The following SERPINI1 variants were observed in gnomAD, a reference collection of about 807,000 sequenced individuals.
SERPINI1 encodes the protein serpin family I member 1, also known as neuroserpin.
A neutral mutation model predicts 41.1 loss-of-function variants in SERPINI1; 19 were observed. The observed-to-expected ratio is 0.46, with a 90% CI of 0.32 to 0.68. The LOEUF is 0.68. SERPINI1 is among the 30% of genes least tolerant of loss of function. SERPINI1 has a pLI of 0.03. For missense variants in SERPINI1, 460 were observed against 479.2 expected (o/e 0.96, Z 0.37); for synonymous variants, 138 against 156.6 (o/e 0.88, Z 0.89).
At chr3:167,764,629 T>G (rs1452826602) in intron 1 of SERPINI1, among the ~76,000 whole-genome samples, 1 of 152,128 alleles carries the variant, frequency 6.6e-6, no homozygotes, top group Non-Finnish European at 1.5e-5. Flanking sequence ...ATCCTAACAT[T>G]TCAAAACTAA....
In SERPINI1 at chr3:167,816,182, T is replaced by C. The variant is rs142844893; in HGVS notation, c.980-6804T>C. On this transcript the variant is annotated intron_variant, in intron 6 of 8. Coordinates refer to ENST00000446050, the MANE Select transcript of SERPINI1 (RefSeq NM_001122752.2). ...CCTCAGCCTCCTGAGTAGCTGGGAC[T>C]ACCACGCCCAGCTAGTTTTTGTAAT... is the stretch of plus-strand genomic sequence containing the variant. 3.9e-3 allele frequency among the ~76,000 whole-genome samples: 590 copies of C among 152,246 alleles called. 5 individuals are homozygous for C. The highest frequency in any genetic ancestry group is 0.014 in the African/African-American group (577 of 41,552).
intron 1 of SERPINI1, among the ~76,000 whole-genome samples, chr3:167,788,399 T>C (rs1727382412): frequency 6.6e-6 from 1 of 152,180 alleles, no homozygotes; most frequent in African/African-American, 2.4e-5. Flanking sequence ...GCTGAAATGG[T>C]AACATAAGCC....
intron 5 of SERPINI1, among the ~76,000 whole-genome samples, chr3:167,796,807 A>G (rs984917993): frequency 6.6e-6 from 1 of 152,046 alleles, no homozygotes; most frequent in Non-Finnish European, 1.5e-5. Context: ...GCTATTGTGA[A>G]TAGTGCTGCA....
intron 1 of SERPINI1, among the ~76,000 whole-genome samples, chr3:167,775,396 G>A (rs1028203565): frequency 6.6e-6 from 1 of 151,422 alleles, no homozygotes; most frequent in Non-Finnish European, 1.5e-5. Context: ...AGAGTAGCTG[G>A]GATTAGACAC....
chr3:167,786,016 G>A (rs1006028301), intron 1 of SERPINI1, among the ~76,000 whole-genome samples: 2 of 152,184 alleles, frequency 1.3e-5, no homozygotes, highest in Non-Finnish European at 2.9e-5. Context: ...AGATAGCATA[G>A]CCTACTACAC....
chr3:167,778,646 A>G (rs1727030724), intron 1 of SERPINI1, among the ~76,000 whole-genome samples: 1 of 152,216 alleles, frequency 6.6e-6, no homozygotes, highest in East Asian at 1.9e-4. Flanking sequence ...GATGTGATTT[A>G]TAGGAGCAAT....
intron 1 of SERPINI1, among the ~76,000 whole-genome samples, chr3:167,788,649 G>A (rs141095886): frequency 4.8e-4 from 73 of 152,248 alleles, no homozygotes; most frequent in African/African-American, 1.7e-3. Flanking sequence ...TCTGATCTCC[G>A]CTCACCAGTT....
rs33917740 is a variant in SERPINI1, at chr3:167,789,149, C to G, written c.21C>G (p.Phe7Leu). The G allele has an allele frequency of 0.097, 156,708 of 1,613,114 alleles. 8,649 individuals carry two copies. Among genetic ancestry groups the G allele is most frequent in the African/African-American group, 0.21 (15,657 of 74,954 alleles). MAFLGL[F>L]SLLVLQSMAT... The stretch of plus-strand genomic sequence containing the variant: ...ACAATATGGCTTTCCTTGGACTCTT[C>G]TCTTTGCTGGTTCTGCAAAGTATGG... Residue 7 changes from phenylalanine (F) to leucine (L), a missense_variant, in exon 2 of 9, where the codon TTC (phenylalanine) becomes TTG (leucine). By Grantham distance (22) the Phe-to-Leu change is conservative. Transcript: ENST00000446050.
chr3:167,799,508 TG>T (rs1217417930), intron 5 of SERPINI1, among the ~76,000 whole-genome samples: 2 of 152,218 alleles, frequency 1.3e-5, no homozygotes, highest in Non-Finnish European at 2.9e-5. Context: ...AACATACGTG[TG>T]TGTGTGTCTT....
In SERPINI1 at chr3:167,807,441, T is replaced by A. The variant is rs1025112047; in HGVS notation, c.979+100T>A. On this transcript the variant is annotated intron_variant, in intron 6 of 8. Transcript: ENST00000446050. The stretch of plus-strand genomic sequence containing the variant: ...TTTACTATGGAGTTCTGGGGTAAAA[T>A]ATAGTTACCACTTGCCAAATAAATC... The A allele has an allele frequency of 6.5e-6, 5 of 772,570 alleles. No homozygotes were observed. The African/African-American group carries it at 7.0e-5, about 11-fold the overall frequency. 47.9% of individuals were successfully genotyped at this position (772,570 alleles called of 1,614,324 possible). A position where few individuals can be genotyped will look rare whatever the true frequency, so the allele number is the denominator to read the frequency against.
intron 1 of SERPINI1, among the ~76,000 whole-genome samples, chr3:167,786,948 C>G (rs550166590): frequency 6.6e-6 from 1 of 152,316 alleles, no homozygotes; most frequent in Admixed American, 6.5e-5. Flanking sequence ...TGTAACAACA[C>G]TTAAAACACA....
chr3:167,780,478 A>T (rs1727086497), intron 1 of SERPINI1, among the ~76,000 whole-genome samples: 1 of 152,148 alleles, frequency 6.6e-6, no homozygotes, highest in African/African-American at 2.4e-5. Context: ...AAACACTGTG[A>T]TCTATTCTGT....
intron 4 of SERPINI1, among the ~76,000 whole-genome samples, chr3:167,793,515 A>G (rs1727596012): frequency 6.6e-6 from 1 of 151,128 alleles, no homozygotes; most frequent in Non-Finnish European, 1.5e-5. Context: ...AGGTAGGAGG[A>G]TTCCTTGAAG....
intron 1 of SERPINI1, among the ~76,000 whole-genome samples, chr3:167,777,606 C>G (rs1198354493): frequency 2.0e-5 from 3 of 152,150 alleles, no homozygotes; most frequent in African/African-American, 7.2e-5. Context: ...AGGGAGTCTT[C>G]TCTTCTGAGT....
intron 6 of SERPINI1, among the ~76,000 whole-genome samples, chr3:167,808,592 G>C (rs1339938964): frequency 6.6e-6 from 1 of 152,178 alleles, no homozygotes; most frequent in Non-Finnish European, 1.5e-5. Flanking sequence ...ATAGCACTGA[G>C]ATGATAGATT....
At chr3:167,799,857 T>G (rs1727846165) in intron 5 of SERPINI1, among the ~76,000 whole-genome samples, 1 of 152,248 alleles carries the variant, frequency 6.6e-6, no homozygotes, top group African/African-American at 2.4e-5. Flanking sequence ...TTGAGAAGTG[T>G]CTGTTCATAT....
At chr3:167,788,706 A>G (rs1056246880) in intron 1 of SERPINI1, among the ~76,000 whole-genome samples, 2 of 152,228 alleles carry the variant, frequency 1.3e-5, no homozygotes, top group African/African-American at 4.8e-5. Flanking sequence ...GGGTGCAGTG[A>G]CATTTTCAAA....
intron 6 of SERPINI1, among the ~76,000 whole-genome samples, chr3:167,814,841 C>T (rs1021129953): frequency 1.3e-5 from 2 of 152,270 alleles, no homozygotes; most frequent in East Asian, 1.9e-4. Context: ...TTGTAAAAAT[C>T]CTGGCCTCAT....
intron 3 of SERPINI1, among the ~76,000 whole-genome samples, chr3:167,791,094 C>A (rs1727490564): frequency 6.6e-6 from 1 of 152,134 alleles, no homozygotes; most frequent in East Asian, 1.9e-4. Flanking sequence ...TTAAGTCCCC[C>A]AAAATGGAGA....
Sources: gnomAD v4.1 joint callset for allele counts (sites outside exome capture counted in the v4.1 genomes callset) on GRCh38, gnomAD v4.1.1 for gene constraint, MANE v1.5 for transcripts, NCBI Gene and HGNC (gene_info 2026-07-23, HGNC 2026-07-21) for gene names.